Variants in CNPY4 observed in about 807,000 individuals in gnomAD.
CNPY4 encodes protein canopy homolog 4.
A neutral mutation model predicts 30.1 loss-of-function variants in CNPY4; 33 were observed. That is an observed-to-expected ratio of 1.10 (90% CI 0.83 to 1.46). The LOEUF is 1.46. Ranked by LOEUF, CNPY4 falls within the 40% of genes most tolerant of loss-of-function variation. CNPY4 has a pLI of 0.00. For missense variants in CNPY4, 324 were observed against 302.6 expected (o/e 1.07, Z -0.52); for synonymous variants, 109 against 110.1 (o/e 0.99, Z 0.06).
chr7:100,119,927 T>C, intron 1 of CNPY4, 65 bp downstream of exon 1: 2 of 1,453,878 alleles, frequency 1.4e-6, no homozygotes, highest in South Asian at 2.6e-5. Flanking sequence ...AGGCCGGACA[T>C]CCTAGCCTGT....
chr7:100,124,919 G>A lies in CNPY4; in HGVS notation c.*31G>A. ...GCCTTTGAGCCCCCAGGAGGGGAAG[G>A]GATCATGGAGAGCCCTCTAAAGCCT... On this transcript the variant is annotated 3_prime_UTR_variant, in exon 6 of 6. Transcript: ENST00000262932. 1.3e-6 allele frequency: 2 copies of A among 1,552,248 alleles called. No individual in the cohort carries two copies. The highest frequency in any genetic ancestry group is 1.4e-5 in the African/African-American group (1 of 72,774).
In CNPY4 at chr7:100,124,904, C is replaced by T. The variant is rs763383920; in HGVS notation, c.*16C>T. Reference sequence around the variant, plus strand: ...AGATCTTTGACCCTTGCCTTTGAGCCCCCAGGAGGGGAAGGGATCATGGAG... The same window carrying T: ...AGATCTTTGACCCTTGCCTTTGAGCTCCCAGGAGGGGAAGGGATCATGGAG... On this transcript the variant is annotated 3_prime_UTR_variant, in exon 6 of 6. Transcript: ENST00000262932. 6.4e-7 allele frequency: 1 copy of T among 1,568,950 alleles called. No individual in the cohort carries two copies. Among genetic ancestry groups the T allele is most frequent in the Non-Finnish European group, 8.6e-7 (1 of 1,159,038 alleles).
Position 100,124,807 on chromosome 7 carries a change from GGAGGAAGAGGAGGAA to G in CNPY4, c.674_688del (p.Glu225_Glu229del). The G allele has an allele frequency of 6.2e-7, 1 of 1,609,878 alleles. No homozygotes were observed. The highest frequency in any genetic ancestry group is 8.5e-7 in the Non-Finnish European group (1 of 1,179,220). ...AAGGGGAGGAAGAGCAGGAGGAGGA[GGAGGAAGAGGAGGAA>G]GAGGAAGGGGGAGACAAGATGACCA... On this transcript the variant is annotated inframe_deletion, in exon 6 of 6. Coordinates refer to ENST00000262932, the MANE Select transcript of CNPY4 (RefSeq NM_152755.2).
rs2116906308 is a variant in CNPY4, at chr7:100,125,105, G to T, written c.*217G>T. 1 of 546,782 alleles carries T rather than the reference G, an allele frequency of 1.8e-6. No individual in the cohort carries two copies. The highest frequency in any genetic ancestry group is 2.7e-5 in the South Asian group (1 of 36,936). The allele number at this position is 546,782 out of a possible 1,614,324, so 33.9% of individuals were successfully genotyped here. A position where few individuals can be genotyped will look rare whatever the true frequency, so the allele number is the denominator to read the frequency against. On this transcript the variant is annotated 3_prime_UTR_variant, in exon 6 of 6. Coordinates refer to ENST00000262932, the MANE Select transcript of CNPY4 (RefSeq NM_152755.2). The stretch of plus-strand genomic sequence containing the variant: ...GGGTGGAGGTCCTGCTCCTAGAGAT[G>T]AACTCTATCCAGCCCCTTAATTGGC...
chr7:100,124,512 A>T lies in CNPY4; in HGVS notation c.466-2A>T, dbSNP rs771546278. ...ACTCTTCTGGCCCTTCTACTTGACC[A>T]GTGTGAGACCATGTTGGAGGAGTTT... On this transcript the variant is annotated splice_acceptor_variant, in intron 4 of 5. Coordinates refer to ENST00000262932, the MANE Select transcript of CNPY4 (RefSeq NM_152755.2). LOFTEE classifies it high-confidence loss of function. 11 of 1,607,252 alleles carry T rather than the reference A, an allele frequency of 6.8e-6. No homozygotes were observed. The highest frequency in any genetic ancestry group is 3.4e-5 in the Admixed American group (2 of 59,666).
intron 4 of CNPY4, among the ~76,000 whole-genome samples, chr7:100,123,997 TGTG>T (rs1351620693): frequency 6.6e-6 from 1 of 151,848 alleles, no homozygotes; most frequent in Non-Finnish European, 1.5e-5. Context: ...GGCGTGGTGG[TGTG>T]GTGGCATGCA....
Position 100,119,738 on chromosome 7 carries a change from C to T in CNPY4, c.-7C>T. On this transcript the variant is annotated 5_prime_UTR_variant, in exon 1 of 6. Transcript: ENST00000262932. ...AAGCGGTGATTGTTTGTAGACGGCG[C>T]TTTGTCATGGGACCTGTGCGGTTGG... 1 of 1,614,184 alleles carries T rather than the reference C, an allele frequency of 6.2e-7. No individual in the cohort carries two copies. Among genetic ancestry groups the T allele is most frequent in the Non-Finnish European group, 8.5e-7 (1 of 1,180,018 alleles).
At chr7:100,120,092 C>G (rs1001909220) in intron 1 of CNPY4, 2 of 442,812 alleles carry the variant, frequency 4.5e-6, no homozygotes, top group Non-Finnish European at 8.0e-6. Flanking sequence ...GAACCCCCCG[C>G]CCGCCAATGG....
intron 4 of CNPY4, among the ~76,000 whole-genome samples, chr7:100,124,139 A>C (rs1798153917): frequency 6.6e-6 from 1 of 151,142 alleles, no homozygotes; most frequent in Non-Finnish European, 1.5e-5. Context: ...TCCATCTCAA[A>C]AAAAAAAAAA....
At chr7:100,119,899 G>A (rs780676444) in intron 1 of CNPY4, 37 bp downstream of exon 1, 1 of 1,546,602 alleles carries the variant, frequency 6.5e-7, no homozygotes, top group Non-Finnish European at 8.8e-7. Flanking sequence ...GCATCGCCCG[G>A]CCACACCTCC....
rs185765560 is a variant in CNPY4 at position 100,119,693 on chromosome 7, A to G, written c.-52A>G. On this transcript the variant is annotated 5_prime_UTR_variant, in exon 1 of 6. Coordinates refer to ENST00000262932, the MANE Select transcript of CNPY4 (RefSeq NM_152755.2). ...CCTGGGAATTTAAGGGACCCACACT[A>G]CCTTCCCGAAGTTGAAGGCAAGCGG... The G allele has an allele frequency of 3.3e-5, 53 of 1,613,588 alleles. No homozygotes were observed. In the Admixed American group the frequency reaches 8.5e-4, roughly 26 times the overall value.
chr7:100,119,886 T>C (rs758835170), intron 1 of CNPY4, 24 bp downstream of exon 1: 17 of 1,577,968 alleles, frequency 1.1e-5, no homozygotes, highest in Middle Eastern at 1.8e-4. Flanking sequence ...GTAGCCCCTA[T>C]AGGCATCGCC....
intron 1 of CNPY4, chr7:100,121,114 ATATTTTTTTTTTTTTTTTT>A (rs1798045111): frequency 1.9e-4 from 6 of 31,150 alleles, no homozygotes; most frequent in South Asian, 1.2e-3. Context: ...ATATATATAT[ATATTTTTTTTTTTTTTTTT>A]TTTTTTTTTT....
In CNPY4 at chr7:100,119,754, G is replaced by A. The variant is rs1184064857; in HGVS notation, c.10G>A (p.Val4Met). The change falls in exon 1 of 6, where the codon GTG (valine) becomes ATG (methionine). Residue 4 changes from valine to methionine, a missense_variant. Coordinates refer to ENST00000262932, the MANE Select transcript of CNPY4 (RefSeq NM_152755.2). MGP[V>M]RLGILLFLFL... ...TAGACGGCGCTTTGTCATGGGACCTGTGCGGTTGGGAATATTGCTTTTCCT... is the reference window on the plus strand; with the variant it reads ...TAGACGGCGCTTTGTCATGGGACCTATGCGGTTGGGAATATTGCTTTTCCT... The A allele has an allele frequency of 3.1e-6, 5 of 1,614,214 alleles. No homozygotes were observed. The highest frequency in any genetic ancestry group is 4.2e-6 in the Non-Finnish European group (5 of 1,180,036).
intron 1 of CNPY4, 147 bp from the exon 2 acceptor site, chr7:100,122,112 T>C: frequency 1.2e-6 from 1 of 857,648 alleles, no homozygotes; most frequent in Non-Finnish European, 1.8e-6. Flanking sequence ...GCCACACAGC[T>C]GCTAAATGGC....
chr7:100,120,168 A>T (rs1489394950), intron 1 of CNPY4: 2 of 262,518 alleles, frequency 7.6e-6, no homozygotes, highest in African/African-American at 4.5e-5. Flanking sequence ...ATCTTCAGTG[A>T]GTGTTTACCT....
intron 3 of CNPY4, 99 bp from the exon 4 acceptor site, chr7:100,122,685 C>T: frequency 2.6e-6 from 4 of 1,530,064 alleles, no homozygotes; most frequent in Non-Finnish European, 3.6e-6. Context: ...ATGGAACTCA[C>T]CCTTGAATCT....
chr7:100,120,674 A>G (rs1477214731), intron 1 of CNPY4, among the ~76,000 whole-genome samples: 1 of 152,136 alleles, frequency 6.6e-6, no homozygotes, highest in East Asian at 1.9e-4. Context: ...ATCTTTTTAA[A>G]CAGACTTAAT....
chr7:100,123,548 T>G (rs999895040), intron 4 of CNPY4, among the ~76,000 whole-genome samples: 1 of 151,948 alleles, frequency 6.6e-6, no homozygotes, highest in Non-Finnish European at 1.5e-5. Flanking sequence ...AAGACGGAGT[T>G]TCACTCTTAT....
Sources: gnomAD v4.1 joint callset for allele counts (sites outside exome capture counted in the v4.1 genomes callset) on GRCh38, gnomAD v4.1.1 for gene constraint, MANE v1.5 for transcripts, NCBI Gene and HGNC (gene_info 2026-07-23, HGNC 2026-07-21) for gene names.